The following SNX32 variants were observed in gnomAD, a reference collection of about 807,000 sequenced individuals.
The protein encoded by SNX32 is sorting nexin-32.
SNX32 carries 58 observed loss-of-function variants against 57.0 expected under a neutral mutation model. The observed-to-expected ratio is 1.02, with a 90% CI of 0.82 to 1.27. SNX32 has a LOEUF of 1.27. SNX32 is among the 50% of genes most tolerant of loss of function. The pLI, the probability that SNX32 is intolerant of heterozygous loss-of-function variation, is 0.00. For missense variants in SNX32, 589 were observed against 541.2 expected (o/e 1.09, Z -0.88); for synonymous variants, 262 against 220.4 (o/e 1.19, Z -1.67).
intron 1 of SNX32, among the ~76,000 whole-genome samples, chr11:65,840,812 A>AAG (rs1858819405): frequency 6.6e-6 from 1 of 152,022 alleles, no homozygotes. Flanking sequence ...TCAAAAAAAA[A>AAG]AAAAGAATCT....
Position 65,851,167 on chromosome 11 carries a change from AG to A in SNX32, c.709+10del, listed in dbSNP as rs755957390. 1.6e-5 allele frequency: 26 copies of A among 1,611,546 alleles called. No homozygotes were observed. The highest frequency in any genetic ancestry group is 2.2e-5 in the Non-Finnish European group (26 of 1,179,660). The stretch of plus-strand genomic sequence containing the variant: ...GTCATGCGCGCCCACAAGTGTACGC[AG>A]GGCCCAAGGGGTCCTGGATCCCCCT... On this transcript the variant is annotated splice_region_variant and intron_variant, in intron 7 of 12. Transcript: ENST00000308342.
chr11:65,838,591 T>A (rs920288951), intron 1 of SNX32, among the ~76,000 whole-genome samples: 3 of 152,104 alleles, frequency 2.0e-5, no homozygotes, highest in Non-Finnish European at 2.9e-5. Flanking sequence ...TTAGTAAGGA[T>A]TTAGAAGATT....
At chr11:65,851,226 G>A (rs547164833) in intron 7 of SNX32, 66 bp downstream of exon 7, 119 of 1,598,134 alleles carry the variant, frequency 7.4e-5, no homozygotes, top group Non-Finnish European at 9.7e-5. Context: ...CTCCTTGGGG[G>A]AGAGAAGAGA....
In SNX32 at chr11:65,836,360, T is replaced by G. The variant is rs564225025; in HGVS notation, c.36+2259T>G. ...GAATTCAAGACTAGCCTGGCCAACA[T>G]GGTGAAACCCCATCTCTACTAAAAA... On this transcript the variant is annotated intron_variant, in intron 1 of 12. Transcript: ENST00000308342. Among the ~76,000 whole-genome samples the G allele has an allele frequency of 4.6e-5, 7 of 152,150 alleles. No individual in the cohort carries two copies. The East Asian group carries it at 1.4e-3, about 29-fold the overall frequency.
chr11:65,836,444 T>G (rs1471811871), intron 1 of SNX32, among the ~76,000 whole-genome samples: 1 of 152,020 alleles, frequency 6.6e-6, no homozygotes, highest in African/African-American at 2.4e-5. Context: ...CTTGGGAGAC[T>G]GAGACAGGAG....
At position 65,851,364 on chromosome 11, in the gene SNX32, T is replaced by C; in HGVS notation, c.746T>C (p.Leu249Pro). The C allele has an allele frequency of 3.7e-6, 6 of 1,614,186 alleles. No homozygotes were observed. The highest frequency in any genetic ancestry group is 4.2e-6 in the Non-Finnish European group (5 of 1,180,010). ...ADDYIPISAA[L>P]SSLGTQEVNQ... ...GATTATATCCCTATCTCAGCTGCGC[T>C]GAGCAGTCTGGGAACACAGGAAGTC... Residue 249 changes from leucine (L) to proline (P), a missense_variant, in exon 8 of 13, where the codon CTG (leucine) becomes CCG (proline). Transcript: ENST00000308342.
At chr11:65,850,116 A>G (rs1259205503) in intron 3 of SNX32, 34 bp from the exon 4 acceptor site, 1 of 1,614,206 alleles carries the variant, frequency 6.2e-7, no homozygotes, top group Non-Finnish European at 8.5e-7. Flanking sequence ...CTCGGCAGTG[A>G]GAGGCCTCCC....
Position 65,853,262 on chromosome 11 carries a change from G to A in SNX32, c.1159-20G>A, listed in dbSNP as rs200499412. The A allele has an allele frequency of 6.2e-6, 10 of 1,613,874 alleles. No homozygotes were observed. The highest frequency in any genetic ancestry group is 8.5e-6 in the Non-Finnish European group (10 of 1,179,966). ...GACTCAGGGAGCAGGGGACTTCAAG[G>A]ACCTGTTTCTCCTCTGCAGGCCAGC... On this transcript the variant is annotated intron_variant, in intron 12 of 12. Transcript: ENST00000308342.
Position 65,853,500 on chromosome 11 carries a change from C to T in SNX32, c.*165C>T. The T allele has an allele frequency of 1.5e-6, 1 of 676,702 alleles. No individual in the cohort carries two copies. Among genetic ancestry groups the T allele is most frequent in the Middle Eastern group, 3.4e-4 (1 of 2,900 alleles). 41.9% of individuals were successfully genotyped at this position (676,702 alleles called of 1,614,324 possible). ...AAGCCCAAACCCCCTATCACCACCA[C>T]CACAGGTGCCAGGCCCTGCAAGACA... is the stretch of plus-strand genomic sequence containing the variant. On this transcript the variant is annotated 3_prime_UTR_variant, in exon 13 of 13. Transcript: ENST00000308342.
In SNX32 at chr11:65,852,893, C is replaced by T. The variant is rs752790193; in HGVS notation, c.1093C>T (p.Arg365Cys). The change falls in exon 12 of 13, where the codon CGC becomes TGC. Residue 365 changes from arginine (R) to cysteine (C), a missense_variant. Physicochemically the swap from Arg to Cys is radical, Grantham distance 180. Coordinates refer to ENST00000308342, the MANE Select transcript of SNX32 (RefSeq NM_152760.3). ...AKQELMDFKS[R>C]RVSSFRKNLI... ...TCCAGAGCTCATGGACTTCAAGTCCCGCCGGGTCTCCTCTTTTCGAAAGAA... is the reference window on the plus strand; with the variant it reads ...TCCAGAGCTCATGGACTTCAAGTCCTGCCGGGTCTCCTCTTTTCGAAAGAA... 5.6e-6 allele frequency: 9 copies of T among 1,614,050 alleles called. No individual in the cohort carries two copies. Among genetic ancestry groups the T allele is most frequent in the Admixed American group, 3.3e-5 (2 of 60,014 alleles).
intron 1 of SNX32, among the ~76,000 whole-genome samples, chr11:65,842,150 G>A (rs1229028722): frequency 6.6e-6 from 1 of 152,184 alleles, no homozygotes; most frequent in Non-Finnish European, 1.5e-5. Context: ...AATCAAGACA[G>A]TAAGATATTA....
rs753443969 is a variant in SNX32, at chr11:65,850,456, A to G, written c.400A>G (p.Thr134Ala). The change falls in exon 5 of 13, where the codon ACA becomes GCA. Residue 134 changes from threonine (T) to alanine (A), a missense_variant. Transcript: ENST00000308342. Reference protein sequence around the residue: ...EAEYLAIFKKTVAMHEVFLQR... With the variant: ...EAEYLAIFKKAVAMHEVFLQR... ...GGAGTACCTGGCCATCTTTAAGAAG[A>G]CAGTTGCGATGCACGAAGTCTTTCT... 7.4e-6 allele frequency: 12 copies of G among 1,614,052 alleles called. 1 individual carries two copies. The South Asian group carries it at 1.3e-4, about 18-fold the overall frequency.
In SNX32 at chr11:65,838,427, G is replaced by C. The variant is rs186247134; in HGVS notation, c.36+4326G>C. Among the ~76,000 whole-genome samples the C allele has an allele frequency of 7.2e-5, 11 of 152,140 alleles. No homozygotes were observed. In the East Asian group the frequency reaches 2.1e-3, roughly 29 times the overall value. Reference sequence around the variant, plus strand: ...TTTTTTAGAAATGGGGTCTTTTTATGTTGGCCAAGCTGGTCTCCAACTCCT... The same window carrying C: ...TTTTTTAGAAATGGGGTCTTTTTATCTTGGCCAAGCTGGTCTCCAACTCCT... On this transcript the variant is annotated intron_variant, in intron 1 of 12. Transcript: ENST00000308342.
At chr11:65,849,363 AT>A in intron 1 of SNX32, 114 bp from the exon 2 acceptor site, 1 of 760,940 alleles carries the variant, frequency 1.3e-6, no homozygotes. Flanking sequence ...GACCTGGGGC[AT>A]TGCTGAAGCA....
Position 65,834,051 on chromosome 11 carries a change from A to C in SNX32, c.-15A>C. ...GCACGCGGGCAGTGGCCGGACGCTG[A>C]AGCCCAGGAGAGCGATGGAGACGTA... On this transcript the variant is annotated 5_prime_UTR_variant, in exon 1 of 13. Coordinates refer to ENST00000308342, the MANE Select transcript of SNX32 (RefSeq NM_152760.3). The C allele has an allele frequency of 6.4e-7, 1 of 1,550,420 alleles. No homozygotes were observed. The highest frequency in any genetic ancestry group is 8.7e-7 in the Non-Finnish European group (1 of 1,146,358).
intron 1 of SNX32, chr11:65,835,384 C>G (rs901146169): frequency 6.6e-6 from 1 of 152,030 alleles, no homozygotes; most frequent in Non-Finnish European, 1.5e-5. Context: ...AGGGATTGAG[C>G]AGAGGCTGGC....
intron 1 of SNX32, among the ~76,000 whole-genome samples, chr11:65,838,453 G>A (rs1330064194): frequency 6.6e-6 from 1 of 152,112 alleles, no homozygotes; most frequent in Non-Finnish European, 1.5e-5. Flanking sequence ...TCCAACTCCT[G>A]AGCTCAAGTG....
intron 1 of SNX32, among the ~76,000 whole-genome samples, chr11:65,835,208 G>A (rs914111011): frequency 2.0e-5 from 3 of 152,026 alleles, no homozygotes; most frequent in Non-Finnish European, 2.9e-5. Flanking sequence ...ACCTGTGTGC[G>A]GACTGATGAG....
chr11:65,853,378 G>T lies in SNX32; in HGVS notation c.*43G>T. On this transcript the variant is annotated 3_prime_UTR_variant, in exon 13 of 13. Transcript: ENST00000308342. ...CAGACCCTAATCTGGGATCTCCAGT[G>T]ACCAGGGTATCCCAGACCCCTCTCT... 6.3e-7 allele frequency: 1 copy of T among 1,596,598 alleles called. No individual in the cohort carries two copies. Among genetic ancestry groups the T allele is most frequent in the South Asian group, 1.1e-5 (1 of 90,682 alleles).
Sources: gnomAD v4.1 joint callset for allele counts (sites outside exome capture counted in the v4.1 genomes callset) on GRCh38, gnomAD v4.1.1 for gene constraint, MANE v1.5 for transcripts, NCBI Gene and HGNC (gene_info 2026-07-23, HGNC 2026-07-21) for gene names.